Variants in ACYP2 observed in about 807,000 individuals in gnomAD.
The protein encoded by ACYP2 is acylphosphatase 2.
Under a neutral mutation model 11.2 loss-of-function variants are expected in ACYP2, and 12 were observed. The observed-to-expected ratio is 1.08, with a 90% CI of 0.69 to 1.74. ACYP2 has a LOEUF of 1.74. Ranked by LOEUF, ACYP2 falls within the 40% of genes most tolerant of loss-of-function variation. ACYP2 has a pLI of 0.00. For synonymous variants in ACYP2, 43 were observed against 32.2 expected, an observed-to-expected ratio of 1.33 and a Z score of -1.13; for missense variants, 134 against 101.9, an observed-to-expected ratio of 1.31 and a Z score of -1.35.
chr2:53,994,044 C>T (rs1480199867), intron 2 of ACYP2, among the ~76,000 whole-genome samples: 2 of 151,698 alleles, frequency 1.3e-5, no homozygotes, highest in Non-Finnish European at 2.9e-5. Context: ...AAATATTAGC[C>T]AGGCGGCTGG....
At chr2:54,055,756 C>T (rs1039345638) in intron 3 of ACYP2, among the ~76,000 whole-genome samples, 14 of 152,256 alleles carry the variant, frequency 9.2e-5, no homozygotes, top group Middle Eastern at 3.4e-3. Context: ...CCCAGAGGTC[C>T]AATTTGGCAG....
intron 6 of ACYP2, among the ~76,000 whole-genome samples, chr2:54,168,627 CATT>C (rs1435045357): frequency 6.6e-6 from 1 of 151,838 alleles, no homozygotes; most frequent in African/African-American, 2.4e-5. Flanking sequence ...GTAGTAGAGC[CATT>C]ATTGTTATAT....
intron 4 of ACYP2, among the ~76,000 whole-genome samples, chr2:54,102,387 G>T (rs1020696169): frequency 6.6e-6 from 1 of 152,094 alleles, no homozygotes; most frequent in Admixed American, 6.6e-5. Flanking sequence ...ATGCATCTGG[G>T]TGCTGGCCTC....
At chr2:54,202,656 C>A (rs1231573032) in intron 6 of ACYP2, among the ~76,000 whole-genome samples, 2 of 144,178 alleles carry the variant, frequency 1.4e-5, no homozygotes, top group Non-Finnish European at 3.0e-5. Flanking sequence ...GATCCATCTG[C>A]CTCAGTCTCC....
rs868089306 is a variant in ACYP2, at chr2:54,234,608, T to C, written c.405-70080T>C. Among the ~76,000 whole-genome samples, 4 of 152,244 alleles carry C rather than the reference T, an allele frequency of 2.6e-5. No individual in the cohort carries two copies. In the East Asian group the frequency reaches 7.7e-4, roughly 29 times the overall value. On this transcript the variant is annotated intron_variant, in intron 6 of 6. Coordinates refer to ENST00000607452, the MANE Select transcript of ACYP2 (RefSeq NM_001320586.2). ...GTCAGAATTGTGTAAGCTGAACCAATTGAGATGTCTGTGGTGTTGGCTGTT... is the reference window on the plus strand; with the variant it reads ...GTCAGAATTGTGTAAGCTGAACCAACTGAGATGTCTGTGGTGTTGGCTGTT...
At chr2:54,090,114 C>T (rs1678147285) in intron 4 of ACYP2, among the ~76,000 whole-genome samples, 1 of 151,472 alleles carries the variant, frequency 6.6e-6, no homozygotes, top group Non-Finnish European at 1.5e-5. Context: ...CACTGCACTC[C>T]AGCCTGAGCG....
chr2:54,187,129 T>C (rs760321134), intron 6 of ACYP2, among the ~76,000 whole-genome samples: 2 of 152,156 alleles, frequency 1.3e-5, no homozygotes, highest in Non-Finnish European at 2.9e-5. Context: ...TGTGTACGTT[T>C]ACTATAAGCC....
chr2:54,244,848 GC>G (rs1189860956), intron 6 of ACYP2, among the ~76,000 whole-genome samples: 11 of 152,084 alleles, frequency 7.2e-5, no homozygotes, highest in Non-Finnish European at 1.6e-4. Flanking sequence ...AGGATAATCA[GC>G]ATATCCATAA....
At chr2:54,034,557 G>T (rs1021551890) in intron 2 of ACYP2, among the ~76,000 whole-genome samples, 1 of 152,132 alleles carries the variant, frequency 6.6e-6, no homozygotes, top group Non-Finnish European at 1.5e-5. Context: ...ATACCATCTA[G>T]GTTTGCGTAA....
At chr2:54,207,351 T>C in intron 6 of ACYP2, among the ~76,000 whole-genome samples, 1 of 152,136 alleles carries the variant, frequency 6.6e-6, no homozygotes, top group Non-Finnish European at 1.5e-5. Flanking sequence ...AGAACTTCTA[T>C]GTTGTAGTCT....
chr2:54,262,863 T>A (rs1212469694), intron 6 of ACYP2, among the ~76,000 whole-genome samples: 2 of 152,200 alleles, frequency 1.3e-5, no homozygotes, highest in Non-Finnish European at 2.9e-5. Flanking sequence ...TTAATTACTG[T>A]CCCATTCACA....
At chr2:54,194,991 C>T (rs1001424741) in intron 6 of ACYP2, among the ~76,000 whole-genome samples, 1 of 152,170 alleles carries the variant, frequency 6.6e-6, no homozygotes, top group Non-Finnish European at 1.5e-5. Flanking sequence ...GAACCATATG[C>T]ATTGACTTAT....
intron 6 of ACYP2, among the ~76,000 whole-genome samples, chr2:54,170,565 GTTT>G (rs56896817): frequency 9.3e-5 from 12 of 128,560 alleles, no homozygotes; most frequent in African/African-American, 1.9e-4. Context: ...TCTTAAAACA[GTTT>G]TTTTTTTTTT....
rs2103661484 is a variant in ACYP2 at position 54,078,861 on chromosome 2, G to A, written c.277+21501G>A. ...GATCCACCCTCCTCAGCTTCCCAAA[G>A]TGCTGGGACTACAGGCATGAGCCAC... On this transcript the variant is annotated intron_variant, in intron 4 of 6. Coordinates refer to ENST00000607452, the MANE Select transcript of ACYP2 (RefSeq NM_001320586.2). 2.0e-5 allele frequency among the ~76,000 whole-genome samples: 3 copies of A among 152,230 alleles called. No individual in the cohort carries two copies. In the South Asian group the frequency reaches 6.2e-4, roughly 32 times the overall value.
At chr2:54,235,152 TC>T (rs1450273774) in intron 6 of ACYP2, among the ~76,000 whole-genome samples, 1 of 152,232 alleles carries the variant, frequency 6.6e-6, no homozygotes, top group African/African-American at 2.4e-5. Flanking sequence ...GTGTAAGTTT[TC>T]TTTCTAGTAA....
chr2:54,261,681 C>A (rs1293088614), intron 6 of ACYP2, among the ~76,000 whole-genome samples: 1 of 152,148 alleles, frequency 6.6e-6, no homozygotes, highest in Non-Finnish European at 1.5e-5. Flanking sequence ...ATTCTTTAAA[C>A]AACATTGTTT....
chr2:54,166,523 C>T lies in ACYP2; in HGVS notation c.404+27775C>T, dbSNP rs530356902. ...CCTGTTTGCCCTGTCAATGCCAAGG[C>T]GACCTACATTCAGATACTGTGACTT... On this transcript the variant is annotated intron_variant, in intron 6 of 6. Coordinates refer to ENST00000607452, the MANE Select transcript of ACYP2 (RefSeq NM_001320586.2). Among the ~76,000 whole-genome samples the T allele has an allele frequency of 2.6e-5, 4 of 152,252 alleles. No homozygotes were observed. In the East Asian group the frequency reaches 5.8e-4, roughly 22 times the overall value.
At chr2:54,072,484 CTTT>C (rs75035901) in intron 4 of ACYP2, among the ~76,000 whole-genome samples, 26 of 147,002 alleles carry the variant, frequency 1.8e-4, no homozygotes, top group African/African-American at 5.3e-4. Context: ...TTCTTTCTTT[CTTT>C]TTTCTTTCTT....
At chr2:54,292,151 A>G (rs1573062014) in intron 6 of ACYP2, among the ~76,000 whole-genome samples, 1 of 152,198 alleles carries the variant, frequency 6.6e-6, no homozygotes, top group Non-Finnish European at 1.5e-5. Flanking sequence ...TGCTGGAATT[A>G]CCAGCATGAC....
Sources: allele counts gnomAD v4.1 joint callset (sites outside exome capture counted in the v4.1 genomes callset), GRCh38; gene constraint gnomAD v4.1.1; transcripts MANE v1.5; gene names NCBI Gene and HGNC (gene_info 2026-07-23, HGNC 2026-07-21).